Variants in RGS8 observed in about 807,000 individuals in gnomAD.
RGS8 encodes regulator of G-protein signaling 8.
In RGS8, 8 loss-of-function variants were observed where a neutral mutation model predicts 21.7. That is an observed-to-expected ratio of 0.37 (90% CI 0.22 to 0.66). The LOEUF (loss-of-function observed/expected upper bound fraction) is 0.66, where lower values mean the gene tolerates loss of function less well. Among genes scored for constraint, RGS8 ranks in the 30% least tolerant of loss-of-function variants. RGS8 has a pLI of 0.59. For missense variants in RGS8, 157 were observed against 217.9 expected (o/e 0.72, Z 1.76); for synonymous variants, 80 against 83.6 (o/e 0.96, Z 0.24).
chr1:182,712,192 A>G, the RGS8 span, among the ~76,000 whole-genome samples: 150 of 152,358 alleles, frequency 9.8e-4, no homozygotes, highest in African/African-American at 3.5e-3. Context: ...AGGATGCTGG[A>G]CTTATCATCA....
At chr1:182,687,246 G>A (rs1397662830), upstream of RGS8, among the ~76,000 whole-genome samples, 2 of 152,110 alleles carry the variant, frequency 1.3e-5, no homozygotes, top group Non-Finnish European at 2.9e-5. Context: ...TCACTATGTT[G>A]CCCAGGCTGG....
At chr1:182,698,024 A>G in the RGS8 span, among the ~76,000 whole-genome samples, 1 of 152,208 alleles carries the variant, frequency 6.6e-6, no homozygotes, top group East Asian at 1.9e-4. Flanking sequence ...ACCAGGCAGG[A>G]TGACACAAAC....
the RGS8 span, among the ~76,000 whole-genome samples, chr1:182,703,311 G>A: frequency 6.6e-6 from 1 of 152,154 alleles, no homozygotes; most frequent in African/African-American, 2.4e-5. Context: ...GGAAAATTGT[G>A]TTATCTCAAG....
the RGS8 span, among the ~76,000 whole-genome samples, chr1:182,751,273 A>G: frequency 6.6e-6 from 1 of 152,264 alleles, no homozygotes; most frequent in African/African-American, 2.4e-5. Flanking sequence ...TTACATCTAC[A>G]CTTTTAAAAT....
the RGS8 span, among the ~76,000 whole-genome samples, chr1:182,726,402 G>A: frequency 6.6e-6 from 1 of 152,150 alleles, no homozygotes; most frequent in African/African-American, 2.4e-5. Context: ...CAGGTGCGGT[G>A]GCTCACGCCT....
chr1:182,662,161 T>C (rs935963921), intron 5 of RGS8, among the ~76,000 whole-genome samples: 1 of 152,220 alleles, frequency 6.6e-6, no homozygotes, highest in African/African-American at 2.4e-5. Context: ...GTTTAAAAAA[T>C]AGCAAAGTTG....
chr1:182,726,768 G>A, the RGS8 span, among the ~76,000 whole-genome samples: 2 of 152,084 alleles, frequency 1.3e-5, no homozygotes, highest in African/African-American at 4.8e-5. Flanking sequence ...AAACTAGAAT[G>A]TTGCAGCCAT....
intron 2 of RGS8, among the ~76,000 whole-genome samples, chr1:182,671,251 A>G (rs1664144507): frequency 6.6e-6 from 1 of 152,202 alleles, no homozygotes; most frequent in African/African-American, 2.4e-5. Flanking sequence ...GCCAATAAAT[A>G]AGAATCAGCA....
At chr1:182,692,936 T>A in the RGS8 span, among the ~76,000 whole-genome samples, 1 of 152,172 alleles carries the variant, frequency 6.6e-6, no homozygotes, top group Non-Finnish European at 1.5e-5. Context: ...ATACAGAAGA[T>A]TGAAACCAGA....
At chr1:182,684,731 G>A (rs759917828), upstream of RGS8, among the ~76,000 whole-genome samples, 18 of 152,222 alleles carry the variant, frequency 1.2e-4, no homozygotes, top group Non-Finnish European at 2.2e-4. This position sits in a 1 kb window ranked among gnomAD's most constrained non-coding sequence, Gnocchi z 4.2. Context: ...CTCCCAGCTC[G>A]CTCACAGACA....
downstream of RGS8, chr1:182,643,925 C>T (rs576641179): frequency 2.2e-4 from 34 of 152,430 alleles, no homozygotes; most frequent in African/African-American, 7.9e-4. Context: ...ACTTGCCCTG[C>T]CCTGGCTTGC....
At chr1:182,717,168 C>T in the RGS8 span, among the ~76,000 whole-genome samples, 1 of 152,162 alleles carries the variant, frequency 6.6e-6, no homozygotes, top group Admixed American at 6.5e-5. Flanking sequence ...GAGAAAATGC[C>T]TGGTACATTT....
At chr1:182,751,604 A>G in the RGS8 span, among the ~76,000 whole-genome samples, 1 of 145,502 alleles carries the variant, frequency 6.9e-6, no homozygotes, top group South Asian at 2.2e-4. Context: ...TACCACATAC[A>G]TTTAATATTT....
chr1:182,652,120 C>T (rs963211093), intron 5 of RGS8, among the ~76,000 whole-genome samples: 1 of 152,186 alleles, frequency 6.6e-6, no homozygotes, highest in Non-Finnish European at 1.5e-5. Context: ...GGAAAAGCAA[C>T]TCAGAAGAGC....
At chr1:182,715,507 G>A in the RGS8 span, among the ~76,000 whole-genome samples, 1 of 152,266 alleles carries the variant, frequency 6.6e-6, no homozygotes, top group South Asian at 2.1e-4. Context: ...CTTTAGATTA[G>A]CAGTTTCCTA....
chr1:182,738,465 A>G, the RGS8 span, among the ~76,000 whole-genome samples: 1 of 152,248 alleles, frequency 6.6e-6, no homozygotes, highest in Non-Finnish European at 1.5e-5. Flanking sequence ...AGCATTAAAT[A>G]TATTTTAGGC....
At chr1:182,643,324 C>CA (rs1411445727), downstream of RGS8, 1 of 58,710 alleles carries the variant, frequency 1.7e-5, no homozygotes, top group Non-Finnish European at 3.4e-5. Flanking sequence ...CCTCCCCCAG[C>CA]CCCCCCGCCC....
At chr1:182,687,292 C>G (rs1288190930), upstream of RGS8, among the ~76,000 whole-genome samples, 1 of 152,150 alleles carries the variant, frequency 6.6e-6, no homozygotes, top group African/African-American at 2.4e-5. Context: ...ATCCTTGGGC[C>G]TCAGCCTCTG....
the RGS8 span, among the ~76,000 whole-genome samples, chr1:182,718,951 C>G: frequency 3.3e-5 from 5 of 151,958 alleles, no homozygotes; most frequent in East Asian, 7.7e-4. Context: ...ATGGAAATGT[C>G]GAAGGGATTC....
Sources: gnomAD v4.1 joint callset for allele counts (sites outside exome capture counted in the v4.1 genomes callset) on GRCh38, gnomAD v4.1.1 for gene constraint, Gnocchi (gnomAD v3.1) non-coding constraint, MANE v1.5 for transcripts, NCBI Gene and HGNC (gene_info 2026-07-23, HGNC 2026-07-21) for gene names.